The following FBN3 variants were observed in gnomAD, a reference collection of about 807,000 sequenced individuals.
FBN3 encodes fibrillin-3.
FBN3 carries 234 observed loss-of-function variants against 330.1 expected under a neutral mutation model. The ratio of observed to expected loss-of-function variants is 0.71; its 90% CI spans 0.64 to 0.79. The LOEUF is 0.79. Ranked by LOEUF, FBN3 falls within the 30% of genes least tolerant of loss-of-function variation. FBN3 has a pLI of 0.00. For synonymous variants in FBN3, 1,458 were observed against 1,517.3 expected (o/e 0.96, Z 0.91); for missense variants, 3,606 against 3,886.9 (o/e 0.93, Z 1.92).
Position 8,133,022 on chromosome 19 carries a change from G to C in FBN3, c.1676C>G (p.Pro559Arg), listed in dbSNP as rs1373135276. 3.8e-6 allele frequency: 6 copies of C among 1,583,428 alleles called. No individual in the cohort carries two copies. The highest frequency in any genetic ancestry group is 5.1e-6 in the Non-Finnish European group (6 of 1,166,892). ...GCCGCCAGGCGCCAGCAGGAAGCCG[G>C]GTTTGCAGAGGCAGGAGAAGCTGCC... The part of the protein sequence containing the change: ...EDGSFSCLCK[P>R]GFLLAPGGHY... Residue 559 changes from proline (P) to arginine (R), a missense_variant, in exon 14 of 64, where the codon CCC becomes CGC. By Grantham distance (103) the Pro-to-Arg change is moderately radical. Coordinates refer to ENST00000600128, the MANE Select transcript of FBN3 (RefSeq NM_032447.5).
At chr19:8,098,964 A>C (rs2082269530) in intron 41 of FBN3, among the ~76,000 whole-genome samples, 1 of 152,182 alleles carries the variant, frequency 6.6e-6, no homozygotes, top group Non-Finnish European at 1.5e-5. Flanking sequence ...ATGTATCTGC[A>C]CCATGAAACA....
At chr19:8,106,766 T>C (rs78039161) in intron 37 of FBN3, among the ~76,000 whole-genome samples, 11,790 of 150,520 alleles carry the variant, frequency 0.078, 606 homozygotes, top group Middle Eastern at 0.13. Flanking sequence ...GATGAATAGA[T>C]GGGAGATAGA....
intron 59 of FBN3, among the ~76,000 whole-genome samples, chr19:8,079,603 T>G (rs980622008): frequency 2.6e-5 from 4 of 152,080 alleles, no homozygotes; most frequent in Non-Finnish European, 5.9e-5. Context: ...TTTGTTTGTT[T>G]GTTTGTTTGT....
intron 63 of FBN3, among the ~76,000 whole-genome samples, chr19:8,070,715 T>C (rs1297350564): frequency 6.6e-6 from 1 of 152,114 alleles, no homozygotes; most frequent in African/African-American, 2.4e-5. Context: ...CCTCCATCTG[T>C]AAAATAGGGA....
At chr19:8,066,739 C>T (rs894735089) in intron 63 of FBN3, among the ~76,000 whole-genome samples, 7 of 152,000 alleles carry the variant, frequency 4.6e-5, no homozygotes, top group Admixed American at 3.9e-4. Context: ...ATTAGCTGGG[C>T]GTGGTGGCGG....
chr19:8,096,586 C>T lies in FBN3; in HGVS notation c.5414-17G>A, dbSNP rs765768518. 6.2e-7 allele frequency: 1 copy of T among 1,600,344 alleles called. No homozygotes were observed. The highest frequency in any genetic ancestry group is 1.7e-5 in the Admixed American group (1 of 59,418). ...CATTCCGTCCTGGGGGTGCAGAGAG[C>T]ATGGTGTTCCCAGGGCTCCTACCAC... On this transcript the variant is annotated splice_polypyrimidine_tract_variant and intron_variant, in intron 43 of 63. Coordinates refer to ENST00000600128, the MANE Select transcript of FBN3 (RefSeq NM_032447.5). The surrounding 1 kb of genome is among the most constrained non-coding windows in gnomAD (Gnocchi z 4.6).
chr19:8,071,574 G>C (rs1429746867), intron 63 of FBN3, among the ~76,000 whole-genome samples: 5 of 152,288 alleles, frequency 3.3e-5, no homozygotes, highest in African/African-American at 1.2e-4. Context: ...CAGAAGAGTT[G>C]AGATGGGCAG....
chr19:8,147,154 T>A lies in FBN3; in HGVS notation c.200A>T (p.Tyr67Phe). 1 of 1,573,482 alleles carries A rather than the reference T, an allele frequency of 6.4e-7. No individual in the cohort carries two copies. The highest frequency in any genetic ancestry group is 8.6e-7 in the Non-Finnish European group (1 of 1,160,526). Residue 67 changes from tyrosine to phenylalanine, a missense_variant, in exon 3 of 64, where the codon TAC becomes TTC. Physicochemically the swap from Tyr to Phe is conservative, Grantham distance 22. Coordinates refer to ENST00000600128, the MANE Select transcript of FBN3 (RefSeq NM_032447.5). Reference sequence around the variant, plus strand: ...GAATGTCCTCCAGCCTGGACAGCAGTAGGCATGGAACCGGGAGCCGCACAC... The same window carrying A: ...GAATGTCCTCCAGCCTGGACAGCAGAAGGCATGGAACCGGGAGCCGCACAC... ...PNVCGSRFHAYCCPGWRTFPG... is the reference protein window; with the variant it reads ...PNVCGSRFHAFCCPGWRTFPG...
chr19:8,079,721 G>C (rs1363753415), intron 59 of FBN3, among the ~76,000 whole-genome samples: 1 of 152,136 alleles, frequency 6.6e-6, no homozygotes, highest in African/African-American at 2.4e-5. Flanking sequence ...CTCCCAAGTA[G>C]TTGGGATTAC....
At chr19:8,126,260 G>C in intron 21 of FBN3, 37 bp downstream of exon 21, 1 of 1,574,296 alleles carries the variant, frequency 6.4e-7, no homozygotes, top group Non-Finnish European at 8.6e-7. Context: ...TGCGGGCTCT[G>C]GAGTAGGGGG....
In FBN3 at chr19:8,134,986, A is replaced by T. The variant is rs545932724; in HGVS notation, c.1591+975T>A. ...ATATATATATTTTACATATATATAT[A>T]TATATTTTTTGAAACAAGGTCTAGG... On this transcript the variant is annotated intron_variant, in intron 13 of 63. Transcript: ENST00000600128. Among the ~76,000 whole-genome samples, 1,297 of 148,320 alleles carry T rather than the reference A, an allele frequency of 8.7e-3. 22 individuals carry two copies. The highest frequency in any genetic ancestry group is 0.071 in the East Asian group (365 of 5,110).
In FBN3 at chr19:8,144,936, C is replaced by T; in HGVS notation, c.482G>A (p.Cys161Tyr). 1.2e-6 allele frequency: 2 copies of T among 1,612,398 alleles called. No individual in the cohort carries two copies. Among genetic ancestry groups the T allele is most frequent in the South Asian group, 1.1e-5 (1 of 90,448 alleles). Residue 161 changes from cysteine to tyrosine, a missense_variant, in exon 6 of 64, where the codon TGC (cysteine) becomes TAC (tyrosine). Physicochemically the swap from Cys to Tyr is radical, Grantham distance 194 (BLOSUM62 -2). Transcript: ENST00000600128. ...CDRGCHNGGR[C>Y]IGPNRCACVY... The stretch of plus-strand genomic sequence containing the variant: ...ACAGGCGCAGCGGTTGGGCCCAATG[C>T]AGCGACCCCCATTGTGGCAGCCGCG...
At chr19:8,111,932 C>T in intron 31 of FBN3, 45 bp downstream of exon 31, 1 of 845,192 alleles carries the variant, frequency 1.2e-6, no homozygotes, top group Non-Finnish European at 1.7e-6. Flanking sequence ...TGCCCCCCAC[C>T]TACCTCTACT....
Position 8,147,140 on chromosome 19 carries a change from A to C in FBN3, c.214T>G (p.Trp72Gly). The C allele has an allele frequency of 6.4e-7, 1 of 1,572,312 alleles. No homozygotes were observed. The highest frequency in any genetic ancestry group is 8.6e-7 in the Non-Finnish European group (1 of 1,160,240). ...TGGCTCCTGCCAGGGAATGTCCTCC[A>C]GCCTGGACAGCAGTAGGCATGGAAC... ...SRFHAYCCPG[W>G]RTFPGRSQCV... The change falls in exon 3 of 64, where the codon TGG (tryptophan) becomes GGG (glycine). Residue 72 changes from tryptophan to glycine, a missense_variant. By Grantham distance (184) the Trp-to-Gly change is radical. Coordinates refer to ENST00000600128, the MANE Select transcript of FBN3 (RefSeq NM_032447.5).
intron 59 of FBN3, among the ~76,000 whole-genome samples, chr19:8,075,826 T>A (rs138290219): frequency 6.6e-6 from 1 of 152,146 alleles, no homozygotes; most frequent in African/African-American, 2.4e-5. Flanking sequence ...CCTTCTCCCA[T>A]GGAAAAATGA....
chr19:8,071,453 G>C (rs1417011407), intron 63 of FBN3, among the ~76,000 whole-genome samples: 1 of 152,172 alleles, frequency 6.6e-6, no homozygotes, highest in African/African-American at 2.4e-5. Flanking sequence ...CCTAAGGGGA[G>C]CCTCTGCTGG....
chr19:8,129,420 A>C lies in FBN3; in HGVS notation c.2045-55T>G. 1.9e-6 allele frequency: 3 copies of C among 1,602,222 alleles called. No individual in the cohort carries two copies. The South Asian group carries it at 3.4e-5, about 18-fold the overall frequency. On this transcript the variant is annotated intron_variant, in intron 16 of 63. Coordinates refer to ENST00000600128, the MANE Select transcript of FBN3 (RefSeq NM_032447.5). This position sits in a 1 kb window ranked among gnomAD's most constrained non-coding sequence, Gnocchi z 4.5. ...AGCAGAAGGAGGGTGTGTCCGAGGC[A>C]GGAGGAGGGTGTGTCGCGGCGCACC...
chr19:8,126,102 T>A, intron 21 of FBN3, 85 bp from the exon 22 acceptor site: 1 of 1,587,630 alleles, frequency 6.3e-7, no homozygotes, highest in Non-Finnish European at 8.6e-7. Context: ...AAGTTGTCCT[T>A]GAGGAGGAAG....
chr19:8,095,614 G>A (rs1286581216), intron 45 of FBN3, 111 bp from the exon 46 acceptor site: 2 of 1,155,782 alleles, frequency 1.7e-6, no homozygotes, highest in East Asian at 2.5e-5. Context: ...GCTTCAACTT[G>A]AGCACTCATG....
Sources: allele counts gnomAD v4.1 joint callset (sites outside exome capture counted in the v4.1 genomes callset), GRCh38; gene constraint gnomAD v4.1.1; non-coding constraint Gnocchi (gnomAD v3.1); transcripts MANE v1.5; gene names NCBI Gene and HGNC (gene_info 2026-07-23, HGNC 2026-07-21).